The following RGMB variants were observed in gnomAD, a reference collection of about 807,000 sequenced individuals.
The protein encoded by RGMB is repulsive guidance molecule B.
Under a neutral mutation model 26.9 loss-of-function variants are expected in RGMB, and 16 were observed. The observed-to-expected ratio is 0.60, with a 90% CI of 0.40 to 0.90. RGMB has a LOEUF of 0.90. Among genes scored for constraint, RGMB ranks in the 40% least tolerant of loss-of-function variants. The pLI is 0.00. For synonymous variants in RGMB, 225 were observed against 229.3 expected (o/e 0.98, Z 0.17); for missense variants, 512 against 573.3 (o/e 0.89, Z 1.09).
In RGMB at chr5:98,773,857, C is replaced by G; in HGVS notation, c.-214C>G. 1 of 489,784 alleles carries G rather than the reference C, an allele frequency of 2.0e-6. No homozygotes were observed. Among genetic ancestry groups the G allele is most frequent in the Non-Finnish European group, 3.5e-6 (1 of 283,082 alleles). The allele number at this position is 489,784 out of a possible 1,614,324, so 30.3% of individuals were successfully genotyped here. The stretch of plus-strand genomic sequence containing the variant: ...TGCCGCCTCCGGCCGCCACGATGCC[C>G]CTGCGCCCCGCTGCTGCCGCCGCGG... On this transcript the variant is annotated 5_prime_UTR_variant, in exon 1 of 3. Transcript: ENST00000513185.
At position 98,779,818 on chromosome 5, in the gene RGMB, A is replaced by C. The variant is rs756501430; in HGVS notation, c.375A>C (p.Gly125=). The change falls in exon 2 of 3, where the codon GGA becomes GGC. Residue 125 remains glycine, a synonymous_variant. Transcript: ENST00000513185. Reference sequence around the variant, plus strand: ...GCCAGAGGAATTGTTCCAAGGATGGACCCACATCCTCTACCAACCCCGAAG... The same window carrying C: ...GCCAGAGGAATTGTTCCAAGGATGGCCCCACATCCTCTACCAACCCCGAAG... ...LMSQRNCSKD[G]PTSSTNPEVT... The C allele has an allele frequency of 6.2e-7, 1 of 1,614,010 alleles. No homozygotes were observed. The highest frequency in any genetic ancestry group is 1.1e-5 in the South Asian group (1 of 91,080).
At position 98,795,473 on chromosome 5, in the gene RGMB, C is replaced by G. The variant is rs1486002415; in HGVS notation, c.*1720C>G. On this transcript the variant is annotated 3_prime_UTR_variant, in exon 3 of 3. Transcript: ENST00000513185. ...AGCGAACTGATGTGCCACCCAGTCA[C>G]AGAGTGGAGTTGTGAATTCATGTAG... 6.6e-6 allele frequency: 1 copy of G among 152,138 alleles called. No homozygotes were observed. The highest frequency in any genetic ancestry group is 2.4e-5 in the African/African-American group (1 of 41,418). The allele number at this position is 152,138 out of a possible 1,614,324, so 9.4% of individuals were successfully genotyped here. A position where few individuals can be genotyped will look rare whatever the true frequency, so the allele number is the denominator to read the frequency against.
intron 2 of RGMB, among the ~76,000 whole-genome samples, chr5:98,790,164 C>T (rs1746883849): frequency 6.6e-6 from 1 of 152,088 alleles, no homozygotes; most frequent in Non-Finnish European, 1.5e-5. Flanking sequence ...AAACTATTAC[C>T]CAGTGTTTTC....
In RGMB at chr5:98,779,694, C is replaced by T; in HGVS notation, c.251C>T (p.Ala84Val). 1.2e-6 allele frequency: 2 copies of T among 1,604,760 alleles called. No individual in the cohort carries two copies. The highest frequency in any genetic ancestry group is 2.2e-5 in the East Asian group (1 of 44,744). ...GGCTTTGACTCTGAGTTTTGCAAGGCCTTGCGTGCCTATGCTGGCTGCACC... is the reference window on the plus strand; with the variant it reads ...GGCTTTGACTCTGAGTTTTGCAAGGTCTTGCGTGCCTATGCTGGCTGCACC... ...VDGFDSEFCK[A>V]LRAYAGCTQR... The change falls in exon 2 of 3, where the codon GCC becomes GTC. Residue 84 changes from alanine to valine, a missense_variant. Physicochemically the swap from Ala to Val is moderately conservative, Grantham distance 64. Transcript: ENST00000513185.
At chr5:98,773,182 T>G (rs951461600), upstream of RGMB, 1 of 151,924 alleles carries the variant, frequency 6.6e-6, no homozygotes, top group African/African-American at 2.4e-5. Flanking sequence ...AGCGCCTGCT[T>G]CCTCCAAGGA....
rs776513495 is a variant in RGMB, at chr5:98,779,870, A to G, written c.427A>G (p.Ser143Gly). ...EVTHDPCNYH[S>G]HAGAREHRRG... ...GACCCATGATCCTTGCAACTATCACAGCCACGCTGGAGCCAGGGAACACAG... is the reference window on the plus strand; with the variant it reads ...GACCCATGATCCTTGCAACTATCACGGCCACGCTGGAGCCAGGGAACACAG... The change falls in exon 2 of 3, where the codon AGC (serine) becomes GGC (glycine). Residue 143 changes from serine to glycine, a missense_variant. Coordinates refer to ENST00000513185, the MANE Select transcript of RGMB (RefSeq NM_001366508.1). 1 of 1,614,042 alleles carries G rather than the reference A, an allele frequency of 6.2e-7. No homozygotes were observed. Among genetic ancestry groups the G allele is most frequent in the Non-Finnish European group, 8.5e-7 (1 of 1,179,890 alleles).
intron 2 of RGMB, among the ~76,000 whole-genome samples, chr5:98,784,313 G>A (rs1306860658): frequency 6.6e-6 from 1 of 152,152 alleles, no homozygotes; most frequent in Non-Finnish European, 1.5e-5. Flanking sequence ...ACTTACCCCT[G>A]AATTTCAAAT....
At position 98,774,191 on chromosome 5, in the gene RGMB, G is replaced by C; in HGVS notation, c.121G>C (p.Gly41Arg). Residue 41 changes from glycine to arginine, a missense_variant, in exon 1 of 3, where the codon GGG becomes CGG. Transcript: ENST00000513185. ...GCTGCTGCTGCTGCTGTTCAGCCTC[G>C]GGCTGCTCCACGCAGGTAGGACGGG... ...ELLLLLLFSL[G>R]LLHAGDCQQP... 2 of 1,488,452 alleles carry C rather than the reference G, an allele frequency of 1.3e-6. No individual in the cohort carries two copies. The highest frequency in any genetic ancestry group is 1.3e-5 in the South Asian group (1 of 78,686). The allele number at this position is 1,488,452 out of a possible 1,614,324, so 92.2% of individuals were successfully genotyped here.
intron 2 of RGMB, among the ~76,000 whole-genome samples, chr5:98,790,382 A>G (rs1042443961): frequency 1.3e-5 from 2 of 152,244 alleles, no homozygotes; most frequent in South Asian, 2.1e-4. Context: ...TCTCACAGCA[A>G]ATCACTACTA....
rs60547205 is a variant in RGMB, at chr5:98,796,347, CA to C, written c.*2596del. On this transcript the variant is annotated 3_prime_UTR_variant, in exon 3 of 3. Transcript: ENST00000513185. ...TTATGCTTGGAAGCTCCCCCCCCCC[CA>C]ACAGTGTGTCGAGTCTTTGCAAAGA... The C allele has an allele frequency of 0.031, 4,242 of 136,620 alleles. 671 individuals are homozygous for C. The highest frequency in any genetic ancestry group is 0.12 in the African/African-American group (3,963 of 31,784). 8.5% of individuals were successfully genotyped at this position (136,620 alleles called of 1,614,324 possible).
At position 98,779,816 on chromosome 5, in the gene RGMB, G is replaced by A; in HGVS notation, c.373G>A (p.Gly125Arg). The A allele has an allele frequency of 6.2e-7, 1 of 1,614,010 alleles. No individual in the cohort carries two copies. Among genetic ancestry groups the A allele is most frequent in the Non-Finnish European group, 8.5e-7 (1 of 1,179,896 alleles). ...LMSQRNCSKD[G>R]PTSSTNPEVT... is the part of the protein sequence containing the mutation. ...GAGCCAGAGGAATTGTTCCAAGGAT[G>A]GACCCACATCCTCTACCAACCCCGA... Residue 125 changes from glycine (G) to arginine (R), a missense_variant, in exon 2 of 3, where the codon GGA (glycine) becomes AGA (arginine). Physicochemically the swap from Gly to Arg is moderately radical, Grantham distance 125. Coordinates refer to ENST00000513185, the MANE Select transcript of RGMB (RefSeq NM_001366508.1).
Position 98,793,812 on chromosome 5 carries a change from A to T in RGMB, c.*59A>T. 8.1e-7 allele frequency: 1 copy of T among 1,241,262 alleles called. No individual in the cohort carries two copies. Among genetic ancestry groups the T allele is most frequent in the Non-Finnish European group, 1.1e-6 (1 of 908,890 alleles). The allele number at this position is 1,241,262 out of a possible 1,614,324, so 76.9% of individuals were successfully genotyped here. A position where few individuals can be genotyped will look rare whatever the true frequency, so the allele number is the denominator to read the frequency against. The stretch of plus-strand genomic sequence containing the variant: ...TCTATAACAAAATTTTAAAATATAT[A>T]TTGTCATAATATATTGAGTAAAAGA... On this transcript the variant is annotated 3_prime_UTR_variant, in exon 3 of 3. Coordinates refer to ENST00000513185, the MANE Select transcript of RGMB (RefSeq NM_001366508.1).
At chr5:98,770,275 A>C, upstream of RGMB, 1 of 217,988 alleles carries the variant, frequency 4.6e-6, no homozygotes, top group Non-Finnish European at 8.9e-6. Flanking sequence ...GCCTAAATAC[A>C]TTAGCGAGCT....
chr5:98,778,356 AT>A (rs1343643381), intron 1 of RGMB, among the ~76,000 whole-genome samples: 1 of 152,070 alleles, frequency 6.6e-6, no homozygotes, highest in East Asian at 1.9e-4. Flanking sequence ...CTGGCCCTGA[AT>A]TTTTTCCCCC....
intron 2 of RGMB, among the ~76,000 whole-genome samples, chr5:98,788,548 A>T (rs896849553): frequency 6.6e-6 from 1 of 152,218 alleles, no homozygotes; most frequent in East Asian, 1.9e-4. Flanking sequence ...TTCTAAATCA[A>T]TATACCTCTT....
At chr5:98,776,986 T>C (rs1174746173) in intron 1 of RGMB, among the ~76,000 whole-genome samples, 2 of 151,558 alleles carry the variant, frequency 1.3e-5, no homozygotes, top group Non-Finnish European at 2.9e-5. Context: ...CTAGGGAGGC[T>C]GAGGTAGGAG....
rs543892589 is a variant in RGMB, at chr5:98,779,876, G to C, written c.433G>C (p.Ala145Pro). 4 of 1,613,884 alleles carry C rather than the reference G, an allele frequency of 2.5e-6. No individual in the cohort carries two copies. Among genetic ancestry groups the C allele is most frequent in the Non-Finnish European group, 2.5e-6 (3 of 1,179,894 alleles). The change falls in exon 2 of 3, where the codon GCT becomes CCT. Residue 145 changes from alanine (A) to proline (P), a missense_variant. Physicochemically the swap from Ala to Pro is conservative, Grantham distance 27 (BLOSUM62 -1). Transcript: ENST00000513185. ...TGATCCTTGCAACTATCACAGCCACGCTGGAGCCAGGGAACACAGGAGAGG... is the reference window on the plus strand; with the variant it reads ...TGATCCTTGCAACTATCACAGCCACCCTGGAGCCAGGGAACACAGGAGAGG... ...THDPCNYHSH[A>P]GAREHRRGDQ...
intron 2 of RGMB, among the ~76,000 whole-genome samples, chr5:98,784,466 A>G (rs1396672352): frequency 2.0e-5 from 3 of 152,294 alleles, no homozygotes; most frequent in South Asian, 2.1e-4. Context: ...AAGAAACACC[A>G]TTACCTTGTA....
At chr5:98,776,379 T>A (rs1353751033) in intron 1 of RGMB, among the ~76,000 whole-genome samples, 1 of 152,220 alleles carries the variant, frequency 6.6e-6, no homozygotes, top group Non-Finnish European at 1.5e-5. Flanking sequence ...ATTTTATTTT[T>A]TTTAAGCAAA....
Sources: gnomAD v4.1 joint callset for allele counts (sites outside exome capture counted in the v4.1 genomes callset) on GRCh38, gnomAD v4.1.1 for gene constraint, MANE v1.5 for transcripts, NCBI Gene and HGNC (gene_info 2026-07-23, HGNC 2026-07-21) for gene names.